Variants in SGCZ observed in about 807,000 individuals in gnomAD.
SGCZ encodes sarcoglycan zeta.
Under a neutral mutation model 41.3 loss-of-function variants are expected in SGCZ, and 40 were observed. The observed-to-expected ratio is 0.97, with a 90% CI of 0.75 to 1.26. SGCZ has a LOEUF of 1.26. SGCZ is among the 50% of genes most tolerant of loss of function. SGCZ has a pLI of 0.00. For synonymous variants in SGCZ, 206 were observed against 137.5 expected, an observed-to-expected ratio of 1.50 and a Z score of -3.49; for missense variants, 552 against 369.8, an observed-to-expected ratio of 1.49 and a Z score of -4.04.
At chr8:15,213,133 A>G (rs1267072422) in intron 1 of SGCZ, among the ~76,000 whole-genome samples, 4 of 152,084 alleles carry the variant, frequency 2.6e-5, no homozygotes, top group Non-Finnish European at 2.9e-5. Flanking sequence ...ATAATTGTAT[A>G]CTAAATGCAT....
chr8:15,135,728 G>A (rs906543794), intron 1 of SGCZ, among the ~76,000 whole-genome samples: 1 of 151,836 alleles, frequency 6.6e-6, no homozygotes, highest in South Asian at 2.1e-4. Context: ...CCAGAACTGG[G>A]GCTTGGCCTG....
intron 1 of SGCZ, among the ~76,000 whole-genome samples, chr8:14,595,076 G>T (rs1805365513): frequency 6.7e-6 from 1 of 149,846 alleles, no homozygotes. Flanking sequence ...TTTCTATACT[G>T]TTTCCTAATT....
chr8:14,481,366 G>T (rs544558505), intron 2 of SGCZ, among the ~76,000 whole-genome samples: 1 of 152,134 alleles, frequency 6.6e-6, no homozygotes. Flanking sequence ...AGGGGTCATA[G>T]AAATCACTGC....
intron 2 of SGCZ, among the ~76,000 whole-genome samples, chr8:14,435,456 A>AT (rs1187458074): frequency 2.0e-5 from 3 of 151,932 alleles, no homozygotes; most frequent in African/African-American, 2.4e-5. Flanking sequence ...CTTCTCTTGA[A>AT]TTTTTTTCAC....
intron 2 of SGCZ, among the ~76,000 whole-genome samples, chr8:14,385,759 C>G (rs539776431): frequency 2.0e-5 from 3 of 151,824 alleles, no homozygotes; most frequent in South Asian, 2.1e-4. Context: ...AAACAAAATC[C>G]AGGAAGAATG....
intron 3 of SGCZ, among the ~76,000 whole-genome samples, chr8:14,316,396 C>T (rs1489392288): frequency 6.6e-6 from 1 of 151,866 alleles, no homozygotes; most frequent in African/African-American, 2.4e-5. Flanking sequence ...AGGTCATTTA[C>T]TCAATATATT....
At chr8:15,197,041 C>G (rs1462920459) in intron 1 of SGCZ, among the ~76,000 whole-genome samples, 1 of 152,198 alleles carries the variant, frequency 6.6e-6, no homozygotes, top group Admixed American at 6.5e-5. Context: ...AGCCAAGACT[C>G]AGAAATGACA....
Position 14,098,390 on chromosome 8 carries a change from G to T in SGCZ, c.744+3986C>A, listed in dbSNP as rs180901895. Among the ~76,000 whole-genome samples, 3 of 152,252 alleles carry T rather than the reference G, an allele frequency of 2.0e-5. No homozygotes were observed. The South Asian group carries it at 6.2e-4, about 32-fold the overall frequency. On this transcript the variant is annotated intron_variant, in intron 7 of 7. Coordinates refer to ENST00000382080, the MANE Select transcript of SGCZ (RefSeq NM_139167.4). ...AAACCCAAGGCAATACATTTTGGGG[G>T]TATGGATGTTGGGTCTCATTTCTTC...
chr8:14,187,872 C>A (rs1804956331), intron 4 of SGCZ, among the ~76,000 whole-genome samples: 1 of 151,954 alleles, frequency 6.6e-6, no homozygotes, highest in Admixed American at 6.6e-5. Context: ...CACAAAGAGA[C>A]CCACACATGG....
chr8:14,663,462 AT>A (rs1807817602), intron 1 of SGCZ, among the ~76,000 whole-genome samples: 1 of 152,118 alleles, frequency 6.6e-6, no homozygotes, highest in Non-Finnish European at 1.5e-5. Flanking sequence ...TTCTATTATA[AT>A]TTAAGCTCCA....
chr8:14,414,171 G>T (rs1799433859), intron 2 of SGCZ, among the ~76,000 whole-genome samples: 1 of 151,796 alleles, frequency 6.6e-6, no homozygotes, highest in Non-Finnish European at 1.5e-5. Flanking sequence ...GCCTAACACA[G>T]AAATGAACGC....
chr8:15,083,780 G>T (rs541734812), intron 1 of SGCZ, among the ~76,000 whole-genome samples: 1 of 152,058 alleles, frequency 6.6e-6, no homozygotes, highest in South Asian at 2.1e-4. Flanking sequence ...TTTGTTTTGA[G>T]ATGGGGTCTC....
rs1018833587 is a variant in SGCZ, at chr8:14,584,650, G to A, written c.40-29724C>T. Among the ~76,000 whole-genome samples, 6 of 152,042 alleles carry A rather than the reference G, an allele frequency of 3.9e-5. No homozygotes were observed. The East Asian group carries it at 9.7e-4, about 25-fold the overall frequency. ...ATAAAAGAGTTGTGCGGTCTTCAGG[G>A]CCAAAAGCACGCTAAATTTAATTTT... is the stretch of plus-strand genomic sequence containing the variant. On this transcript the variant is annotated intron_variant, in intron 1 of 7. Transcript: ENST00000382080.
chr8:14,177,372 T>C (rs1361177572), intron 4 of SGCZ, among the ~76,000 whole-genome samples: 3 of 152,216 alleles, frequency 2.0e-5, no homozygotes, highest in South Asian at 2.1e-4. Context: ...TTGTTACATA[T>C]TACGGCCCTT....
Position 14,554,773 on chromosome 8 carries a change from C to A in SGCZ, c.193G>T (p.Ala65Ser), listed in dbSNP as rs747199416. 6.2e-7 allele frequency: 1 copy of A among 1,612,806 alleles called. No homozygotes were observed. Among genetic ancestry groups the A allele is most frequent in the Non-Finnish European group, 8.5e-7 (1 of 1,179,404 alleles). ...ACTTTCAATATCCATATTGTCATGG[C>A]TAAGTTAACTATCATGGTAACCAAC... ...LLLVTMIVNL[A>S]MTIWILKVMN... The change falls in exon 2 of 8, where the codon GCC becomes TCC. Residue 65 changes from alanine (A) to serine (S), a missense_variant. Transcript: ENST00000382080.
At chr8:14,664,527 T>G (rs559793289) in intron 1 of SGCZ, among the ~76,000 whole-genome samples, 1 of 152,230 alleles carries the variant, frequency 6.6e-6, no homozygotes, top group Middle Eastern at 3.4e-3. Context: ...GAATCAAGAT[T>G]TGAGCAGAGA....
At chr8:14,309,384 G>A in intron 3 of SGCZ, 2 of 1,605,336 alleles carry the variant, frequency 1.2e-6, no homozygotes, top group Admixed American at 3.3e-5. Context: ...AGTCAGCAGA[G>A]ACGAAGTGAC....
At chr8:14,230,994 T>G (rs1442685692) in intron 4 of SGCZ, among the ~76,000 whole-genome samples, 1 of 152,126 alleles carries the variant, frequency 6.6e-6, no homozygotes, top group Non-Finnish European at 1.5e-5. Flanking sequence ...TAGAAATTAC[T>G]TTAAAAAATA....
At chr8:14,604,328 C>T (rs1317653219) in intron 1 of SGCZ, among the ~76,000 whole-genome samples, 2 of 152,064 alleles carry the variant, frequency 1.3e-5, no homozygotes, top group South Asian at 2.1e-4. Flanking sequence ...ATTGTGAGGC[C>T]TAGTGTAAGC....
Sources: gnomAD v4.1 joint callset for allele counts (sites outside exome capture counted in the v4.1 genomes callset) on GRCh38, gnomAD v4.1.1 for gene constraint, MANE v1.5 for transcripts, NCBI Gene and HGNC (gene_info 2026-07-23, HGNC 2026-07-21) for gene names.